SIRT7: variants seen among roughly 807,000 people sequenced by gnomAD.
The protein encoded by SIRT7 is sirtuin 7.
A neutral mutation model predicts 42.8 loss-of-function variants in SIRT7; 32 were observed. The ratio of observed to expected loss-of-function variants is 0.75; its 90% CI spans 0.56 to 1.00. The LOEUF (loss-of-function observed/expected upper bound fraction) is 1.00, where lower values mean the gene tolerates loss of function less well. Ranked by LOEUF, SIRT7 falls within the 50% of genes least tolerant of loss-of-function variation. The pLI is 0.00. For missense variants in SIRT7, 553 were observed against 572.2 expected (o/e 0.97, Z 0.34); for synonymous variants, 297 against 245.2 (o/e 1.21, Z -1.97).
At chr17:81,915,379 C>T (rs1180433255) in intron 5 of SIRT7, 61 bp downstream of exon 5, 4 of 1,561,992 alleles carry the variant, frequency 2.6e-6, no homozygotes, top group East Asian at 2.3e-5. Flanking sequence ...TAGTTGCCCA[C>T]TGGGCACCAA....
chr17:81,918,012 C>A, intron 1 of SIRT7, 27 bp downstream of exon 1: 2 of 1,401,790 alleles, frequency 1.4e-6, no homozygotes, highest in Admixed American at 3.2e-5. Context: ...CCGGGCATGG[C>A]CGGGCCGGGG....
chr17:81,917,905 G>A lies in SIRT7; in HGVS notation c.156C>T (p.Ala52=). 4.9e-6 allele frequency: 7 copies of A among 1,423,924 alleles called. No individual in the cohort carries two copies. The East Asian group carries it at 1.6e-4, about 32-fold the overall frequency. The allele number at this position is 1,423,924 out of a possible 1,614,324, so 88.2% of individuals were successfully genotyped here. Residue 52 remains alanine (A), a synonymous_variant, in exon 2 of 10, where the codon GCC becomes GCT. Transcript: ENST00000328666. ...GCTCCGTTACCAGGTCCGCGCTCTC[G>A]GCCAGCAGCCGGCCCTCCTCGGCGC... The part of the protein sequence containing the change: ...ERSAEEGRLL[A]ESADLVTELQ...
chr17:81,913,114 T>A lies in SIRT7; in HGVS notation c.1005-500A>T. On this transcript the variant is annotated intron_variant, in intron 9 of 9. Coordinates refer to ENST00000328666, the MANE Select transcript of SIRT7 (RefSeq NM_016538.3). The surrounding 1 kb of genome is among the most constrained non-coding windows in gnomAD (Gnocchi z 5.0). ...CACAGATCATAACTTAAGATACAGA[T>A]ACGCACTGATAAGGAAAATGAGCTA... 1 of 368,324 alleles carries A rather than the reference T, an allele frequency of 2.7e-6. No individual in the cohort carries two copies. The highest frequency in any genetic ancestry group is 2.1e-5 in the South Asian group (1 of 47,694). 22.8% of individuals were successfully genotyped at this position (368,324 alleles called of 1,614,324 possible).
intron 3 of SIRT7, chr17:81,917,008 C>T (rs945364300): frequency 6.6e-6 from 1 of 152,244 alleles, no homozygotes; most frequent in Non-Finnish European, 1.5e-5. Context: ...GAGTGTGTGT[C>T]TGAGTTTGCT....
Position 81,912,287 on chromosome 17 carries a change from G to A in SIRT7, c.*129C>T, listed in dbSNP as rs534922646. Reference sequence around the variant, plus strand: ...CAAGGGGCTTCCTCAAGGACAAATGGCTAAAAATGTCACGGTGAAAATGTC... The same window carrying A: ...CAAGGGGCTTCCTCAAGGACAAATGACTAAAAATGTCACGGTGAAAATGTC... On this transcript the variant is annotated 3_prime_UTR_variant, in exon 10 of 10. Coordinates refer to ENST00000328666, the MANE Select transcript of SIRT7 (RefSeq NM_016538.3). The A allele has an allele frequency of 6.9e-5, 86 of 1,243,894 alleles. No homozygotes were observed. In the Middle Eastern group the frequency reaches 1.4e-3, roughly 21 times the overall value. The allele number at this position is 1,243,894 out of a possible 1,614,324, so 77.1% of individuals were successfully genotyped here.
rs779610329 is a variant in SIRT7, at chr17:81,918,071, G to C, written c.61C>G (p.Arg21Gly). 9 of 1,543,676 alleles carry C rather than the reference G, an allele frequency of 5.8e-6. No individual in the cohort carries two copies. Among genetic ancestry groups the C allele is most frequent in the Non-Finnish European group, 6.9e-6 (8 of 1,156,084 alleles). ...RKAAERVRRL[R>G]EEQQRERLRQ... ...AGGCGCTCCCTCTGCTGCTCCTCCC[G>C]CAACCTCCGGACCCGCTCCGCCGCT... Residue 21 changes from arginine to glycine, a missense_variant, in exon 1 of 10, where the codon CGG becomes GGG. Arg to Gly is a moderately radical substitution (Grantham distance 125). Transcript: ENST00000328666.
chr17:81,914,264 C>T (rs775902355), intron 7 of SIRT7, 30 bp downstream of exon 7: 13 of 1,611,736 alleles, frequency 8.1e-6, no homozygotes, highest in Admixed American at 6.7e-5. Context: ...GGCAGGGGCT[C>T]GGTTCACTCA....
In SIRT7 at chr17:81,912,502, C is replaced by A. The variant is rs1190274538; in HGVS notation, c.1117G>T (p.Gly373Cys). 6.2e-7 allele frequency: 1 copy of A among 1,613,768 alleles called. No individual in the cohort carries two copies. The highest frequency in any genetic ancestry group is 2.2e-5 in the East Asian group (1 of 44,902). Reference sequence around the variant, plus strand: ...ATGGGGGCCGAGCTAAGCGGTGCACCCCGGTCCCCAGGCGGGGCCTCCTCT... The same window carrying A: ...ATGGGGGCCGAGCTAAGCGGTGCACACCGGTCCCCAGGCGGGGCCTCCTCT... ...SREEAPPGDRGAPLSSAPILG... is the reference protein window; with the variant it reads ...SREEAPPGDRCAPLSSAPILG... The change falls in exon 10 of 10, where the codon GGT becomes TGT. Residue 373 changes from glycine (G) to cysteine (C), a missense_variant. Physicochemically the swap from Gly to Cys is radical, Grantham distance 159. Transcript: ENST00000328666.
rs2040735653 is a variant in SIRT7 at position 81,913,598 on chromosome 17, AG to A, written c.1004+175del. 1.6e-6 allele frequency: 1 copy of A among 606,266 alleles called. No homozygotes were observed. Among genetic ancestry groups the A allele is most frequent in the African/African-American group, 1.9e-5 (1 of 53,948 alleles). The allele number at this position is 606,266 out of a possible 1,614,324, so 37.6% of individuals were successfully genotyped here. A position where few individuals can be genotyped will look rare whatever the true frequency, so the allele number is the denominator to read the frequency against. On this transcript the variant is annotated intron_variant, in intron 9 of 9. Transcript: ENST00000328666. The surrounding 1 kb of genome is among the most constrained non-coding windows in gnomAD (Gnocchi z 5.0). ...CAGCCAGGGCAGGAGTGGCACACGCAGGGTCTCCGCCAACCACCGAGGTCAG... is the reference window on the plus strand; with the variant it reads ...CAGCCAGGGCAGGAGTGGCACACGCAGGTCTCCGCCAACCACCGAGGTCAG...
At position 81,914,160 on chromosome 17, in the gene SIRT7, T is replaced by C; in HGVS notation, c.824A>G (p.Lys275Arg). 1 of 1,613,560 alleles carries C rather than the reference T, an allele frequency of 6.2e-7. No individual in the cohort carries two copies. The highest frequency in any genetic ancestry group is 8.5e-7 in the Non-Finnish European group (1 of 1,179,994). ...LCLGSSLKVL[K>R]KYPRLWCMTK... is the part of the protein sequence containing the mutation. Reference sequence around the variant, plus strand: ...CATGCACCAGAGGCGTGGGTACTTCTTTAGAACCTGTGGAAGCAGACAGAC... The same window carrying C: ...CATGCACCAGAGGCGTGGGTACTTCCTTAGAACCTGTGGAAGCAGACAGAC... The change falls in exon 8 of 10, where the codon AAG becomes AGG. Residue 275 changes from lysine (K) to arginine (R), a missense_variant. Coordinates refer to ENST00000328666, the MANE Select transcript of SIRT7 (RefSeq NM_016538.3).
rs2040670836 is a variant in SIRT7 at position 81,912,059 on chromosome 17, G to A, written c.*357C>T. 5.4e-6 allele frequency: 2 copies of A among 368,956 alleles called. No homozygotes were observed. The highest frequency in any genetic ancestry group is 4.9e-5 in the South Asian group (2 of 41,160). 22.9% of individuals were successfully genotyped at this position (368,956 alleles called of 1,614,324 possible). A position where few individuals can be genotyped will look rare whatever the true frequency, so the allele number is the denominator to read the frequency against. ...TATAAAGTTCACACTTTTTCATTAA[G>A]TAGTAGTAGAAATACGGTGAGGCCC... is the stretch of plus-strand genomic sequence containing the variant. On this transcript the variant is annotated 3_prime_UTR_variant, in exon 10 of 10. Coordinates refer to ENST00000328666, the MANE Select transcript of SIRT7 (RefSeq NM_016538.3).
In SIRT7 at chr17:81,913,765, C is replaced by T. The variant is rs1264194461; in HGVS notation, c.1004+9G>A. On this transcript the variant is annotated intron_variant, in intron 9 of 9. Coordinates refer to ENST00000328666, the MANE Select transcript of SIRT7 (RefSeq NM_016538.3). The surrounding 1 kb of genome is among the most constrained non-coding windows in gnomAD (Gnocchi z 5.0). ...GCGGGGAAGCAGGCTGCTGCAGCGG[C>T]TCACTCACCTGCTATAGGCGGGGAT... 5 of 1,546,360 alleles carry T rather than the reference C, an allele frequency of 3.2e-6. No homozygotes were observed. Among genetic ancestry groups the T allele is most frequent in the Middle Eastern group, 2.3e-4 (1 of 4,374 alleles).
Position 81,914,447 on chromosome 17 carries a change from T to C in SIRT7, c.663A>G (p.Thr221=). The C allele has an allele frequency of 1.2e-6, 2 of 1,612,896 alleles. No individual in the cohort carries two copies. The highest frequency in any genetic ancestry group is 8.5e-7 in the Non-Finnish European group (1 of 1,180,012). The change falls in exon 7 of 10, where the codon ACA becomes ACG. Residue 221 remains threonine, a synonymous_variant. Transcript: ENST00000328666. ...TERTALHRHQ[T]GRTCHKCGTQ... ...TCCCACACTTGTGGCAGGTCCGGCC[T>C]GTCTGGTGTCTGTGGAGGGCAGTGC...
In SIRT7 at chr17:81,913,061, A is replaced by C. The variant is rs991045020; in HGVS notation, c.1005-447T>G. ...TGGCCTACAGACGACCCCGTGAAGA[A>C]AGCATGTGTCTGACGGAGATGCAGA... On this transcript the variant is annotated intron_variant, in intron 9 of 9. Transcript: ENST00000328666. The surrounding 1 kb of genome is among the most constrained non-coding windows in gnomAD (Gnocchi z 5.0). The C allele has an allele frequency of 2.8e-6, 1 of 354,452 alleles. No individual in the cohort carries two copies. The highest frequency in any genetic ancestry group is 2.1e-5 in the African/African-American group (1 of 46,720). The allele number at this position is 354,452 out of a possible 1,614,324, so 22.0% of individuals were successfully genotyped here.
chr17:81,912,938 G>A (rs1336809803), intron 9 of SIRT7: 1 of 429,848 alleles, frequency 2.3e-6, no homozygotes, highest in Non-Finnish European at 4.3e-6. Context: ...TCCGTCTCCA[G>A]GGATGAGTCA....
intron 5 of SIRT7, chr17:81,914,938 G>C (rs1331031491): frequency 1.8e-6 from 1 of 568,310 alleles, no homozygotes; most frequent in African/African-American, 1.9e-5. Context: ...TGCACCTGGA[G>C]TGGCTGGGAG....
rs2040835444 is a variant in SIRT7 at position 81,917,838 on chromosome 17, G to A, written c.223C>T (p.Gln75Ter). The A allele has an allele frequency of 7.7e-6, 11 of 1,437,176 alleles. No individual in the cohort carries two copies. Among genetic ancestry groups the A allele is most frequent in the Non-Finnish European group, 1.0e-5 (11 of 1,100,408 alleles). The allele number at this position is 1,437,176 out of a possible 1,614,324, so 89.0% of individuals were successfully genotyped here. A position where few individuals can be genotyped will look rare whatever the true frequency, so the allele number is the denominator to read the frequency against. ...SRRREGLKRR[Q>*]EEVCDDPEEL... ...CCGCACGCGGAACTCGCCTCCTCCT[G>A]CCGCCGCTTCAGGCCCTCGCGCCGC... Residue 75 changes from glutamine to a stop codon, truncating the protein, a stop_gained, in exon 2 of 10, where the codon CAG (glutamine) becomes TAG (stop). Coordinates refer to ENST00000328666, the MANE Select transcript of SIRT7 (RefSeq NM_016538.3). LOFTEE classifies it high-confidence loss of function.
In SIRT7 at chr17:81,914,150, T is replaced by C. The variant is rs1454830842; in HGVS notation, c.834A>G (p.Pro278=). The C allele has an allele frequency of 1.2e-6, 2 of 1,613,522 alleles. No homozygotes were observed. The highest frequency in any genetic ancestry group is 1.7e-6 in the Non-Finnish European group (2 of 1,180,000). The part of the protein sequence containing the change: ...GSSLKVLKKY[P]RLWCMTKPPS... ...GGGGCTTGGTCATGCACCAGAGGCG[T>C]GGGTACTTCTTTAGAACCTGTGGAA... Residue 278 remains proline, a synonymous_variant, in exon 8 of 10, where the codon CCA becomes CCG. Transcript: ENST00000328666.
rs1194659725 is a variant in SIRT7, at chr17:81,912,416, T to C, written c.1203A>G (p.Ter401=). The C allele has an allele frequency of 6.2e-7, 1 of 1,613,972 alleles. No homozygotes were observed. Among genetic ancestry groups the C allele is most frequent in the Non-Finnish European group, 8.5e-7 (1 of 1,180,030 alleles). ...CAACTGTTCTTCATCGAGCACGTGA[T>C]TACGTCACTTTCTTCCTTTTTGTGC... ...TKRTKRKKVT[*] Residue 401 remains the stop codon, a stop_retained_variant, in exon 10 of 10, where the codon TAA becomes TAG. Coordinates refer to ENST00000328666, the MANE Select transcript of SIRT7 (RefSeq NM_016538.3).
Sources: gnomAD v4.1 joint callset for allele counts on GRCh38, gnomAD v4.1.1 for gene constraint, Gnocchi (gnomAD v3.1) non-coding constraint, MANE v1.5 for transcripts, NCBI Gene and HGNC (gene_info 2026-07-23, HGNC 2026-07-21) for gene names.